The following NCOA2 variants were observed in gnomAD, a reference collection of about 807,000 sequenced individuals.
NCOA2 encodes class E basic helix-loop-helix protein 75.
Under a neutral mutation model 145.1 loss-of-function variants are expected in NCOA2, and 21 were observed. That is an observed-to-expected ratio of 0.14 (90% CI 0.10 to 0.21). NCOA2 has a LOEUF of 0.21. NCOA2 is among the 10% of genes least tolerant of loss of function. The pLI, the probability that NCOA2 is intolerant of heterozygous loss-of-function variation, is 1.00. For missense variants in NCOA2, 1,472 were observed against 1,837.6 expected, an observed-to-expected ratio of 0.80 and a Z score of 3.64; for synonymous variants, 619 against 637.5, an observed-to-expected ratio of 0.97 and a Z score of 0.44.
At chr8:70,320,564 G>T (rs1805961355) in intron 1 of NCOA2, among the ~76,000 whole-genome samples, 1 of 152,076 alleles carries the variant, frequency 6.6e-6, no homozygotes, top group East Asian at 1.9e-4. Flanking sequence ...TGAATAAAAA[G>T]CATAGGCTAT....
In NCOA2 at chr8:70,356,268, G is replaced by A. The variant is rs777461698; in HGVS notation, c.-77+47432C>T. ...GTCCAGGAGTTCAAGACCAGCCTGG[G>A]CAACATAGTAAGACCCAATGTCTGT... On this transcript the variant is annotated intron_variant, in intron 1 of 22. Coordinates refer to ENST00000452400, the MANE Select transcript of NCOA2 (RefSeq NM_006540.4). Among the ~76,000 whole-genome samples the A allele has an allele frequency of 1.5e-4, 23 of 152,100 alleles. 1 individual carries two copies. Among genetic ancestry groups the A allele is most frequent in the African/African-American group, 2.7e-4 (11 of 41,410 alleles).
At chr8:70,166,920 A>G (rs1317622450) in intron 6 of NCOA2, among the ~76,000 whole-genome samples, 166 bp from the exon 7 acceptor site, 1 of 152,062 alleles carries the variant, frequency 6.6e-6, no homozygotes, top group East Asian at 1.9e-4. Flanking sequence ...AATCTTTACC[A>G]TTTTTACAAC....
In NCOA2 at chr8:70,184,171, A is replaced by G. The variant is rs192713819; in HGVS notation, c.260-9312T>C. 1.2e-4 allele frequency among the ~76,000 whole-genome samples: 18 copies of G among 152,330 alleles called. No individual in the cohort carries two copies. The East Asian group carries it at 3.1e-3, about 26-fold the overall frequency. On this transcript the variant is annotated intron_variant, in intron 4 of 22. Transcript: ENST00000452400. ...AATAATAGCTCAGGTGGTCAGGCCA[A>G]TGAGAAGAGGATTTGGAAGAAAAGT...
chr8:70,149,885 T>A (rs1243913848), intron 11 of NCOA2, among the ~76,000 whole-genome samples: 1 of 152,198 alleles, frequency 6.6e-6, no homozygotes, highest in African/African-American at 2.4e-5. Flanking sequence ...CACTGGCAAA[T>A]CAAATGAAAT....
chr8:70,424,493 C>T, the NCOA2 span: 1 of 525,980 alleles, frequency 1.9e-6, no homozygotes, highest in South Asian at 1.4e-5. Context: ...GCAGTGATGG[C>T]AAAGGCTATT....
chr8:70,211,066 C>A (rs1260218469), intron 4 of NCOA2, among the ~76,000 whole-genome samples: 1 of 152,162 alleles, frequency 6.6e-6, no homozygotes, highest in Non-Finnish European at 1.5e-5. Context: ...TTCTTACTGG[C>A]TGTCAGATGC....
At chr8:70,250,615 G>A (rs1563680809) in intron 2 of NCOA2, among the ~76,000 whole-genome samples, 2 of 152,018 alleles carry the variant, frequency 1.3e-5, no homozygotes, top group Non-Finnish European at 2.9e-5. Context: ...TGGGTATGAA[G>A]GGTACATGGA....
At chr8:70,369,957 A>C (rs1257955860) in intron 1 of NCOA2, among the ~76,000 whole-genome samples, 2 of 151,868 alleles carry the variant, frequency 1.3e-5, no homozygotes, top group Non-Finnish European at 2.9e-5. Context: ...GCTGGAGTGC[A>C]GTGGTGCAGC....
chr8:70,389,962 G>A (rs113664841), intron 1 of NCOA2, among the ~76,000 whole-genome samples: 4,867 of 152,074 alleles, frequency 0.032, 248 homozygotes, highest in African/African-American at 0.11. Flanking sequence ...CACCATATCC[G>A]GCCATTTCAG....
chr8:70,380,456 T>C (rs956020154), intron 1 of NCOA2, among the ~76,000 whole-genome samples: 4 of 152,138 alleles, frequency 2.6e-5, no homozygotes, highest in Non-Finnish European at 5.9e-5. Flanking sequence ...AAGACTCATG[T>C]TCCCAAGAAT....
chr8:70,371,059 G>T (rs1377567349), intron 1 of NCOA2, among the ~76,000 whole-genome samples: 1 of 152,030 alleles, frequency 6.6e-6, no homozygotes, highest in African/African-American at 2.4e-5. Context: ...AGGCCGAGTC[G>T]GGCGGATCAC....
chr8:70,327,630 CACT>C (rs1412196945), intron 1 of NCOA2, among the ~76,000 whole-genome samples: 1 of 152,156 alleles, frequency 6.6e-6, no homozygotes, highest in African/African-American at 2.4e-5. Flanking sequence ...TGACCATCAT[CACT>C]ACTAATCAAA....
At chr8:70,144,931 T>C in intron 12 of NCOA2, 83 bp from the exon 13 acceptor site, 2 of 1,282,918 alleles carry the variant, frequency 1.6e-6, no homozygotes, top group African/African-American at 1.5e-5. Flanking sequence ...GGACAATGTC[T>C]GTAAAATGAC....
chr8:70,215,044 C>T (rs2133909727), intron 3 of NCOA2, among the ~76,000 whole-genome samples: 1 of 152,168 alleles, frequency 6.6e-6, no homozygotes, highest in African/African-American at 2.4e-5. Flanking sequence ...AATACAATGT[C>T]TCTATTTTAT....
chr8:70,363,113 G>A (rs1402855902), intron 1 of NCOA2, among the ~76,000 whole-genome samples: 1 of 149,766 alleles, frequency 6.7e-6, no homozygotes, highest in Non-Finnish European at 1.5e-5. Flanking sequence ...GCCTGGCACG[G>A]TGGCTCACAC....
At chr8:70,270,795 A>G (rs780615000) in intron 2 of NCOA2, among the ~76,000 whole-genome samples, 1 of 152,228 alleles carries the variant, frequency 6.6e-6, no homozygotes, top group South Asian at 2.1e-4. Flanking sequence ...GTACACAAGG[A>G]AAACGATTTT....
At chr8:70,351,751 A>ATTT (rs1266426866) in intron 1 of NCOA2, among the ~76,000 whole-genome samples, 2 of 129,904 alleles carry the variant, frequency 1.5e-5, no homozygotes, top group African/African-American at 2.8e-5. Context: ...ACCCCGGCTA[A>ATTT]TTTTTTTTTT....
Position 70,153,361 on chromosome 8 carries a change from C to T in NCOA2, c.2394+2610G>A, listed in dbSNP as rs1811953365. 1.3e-5 allele frequency among the ~76,000 whole-genome samples: 2 copies of T among 152,196 alleles called. 1 individual carries two copies. Among genetic ancestry groups the T allele is most frequent in the Admixed American group, 1.3e-4 (2 of 15,288 alleles). ...GGTGAGACAATTTTTATCAGAAAAA[C>T]ATTTCTCCTAAATAAATAACCTGAA... On this transcript the variant is annotated intron_variant, in intron 11 of 22. Transcript: ENST00000452400.
chr8:70,156,833 C>T lies in NCOA2; in HGVS notation c.1532G>A (p.Gly511Glu). The change falls in exon 11 of 23, where the codon GGA (glycine) becomes GAA (glutamate). Residue 511 changes from glycine to glutamate, a missense_variant. Physicochemically the swap from Gly to Glu is moderately conservative, Grantham distance 98. Coordinates refer to ENST00000452400, the MANE Select transcript of NCOA2 (RefSeq NM_006540.4). ...RIPPSQFSPA[G>E]SLHSPVGVCS... ...AACTCCCACAGGGGAATGCAAGCTT[C>T]CTGCAGGGGAAAACTGACTGGGTGG... 1.2e-6 allele frequency: 2 copies of T among 1,614,000 alleles called. No individual in the cohort carries two copies. Among genetic ancestry groups the T allele is most frequent in the South Asian group, 2.2e-5 (2 of 91,088 alleles).
Sources: allele counts gnomAD v4.1 joint callset (sites outside exome capture counted in the v4.1 genomes callset), GRCh38; gene constraint gnomAD v4.1.1; transcripts MANE v1.5; gene names NCBI Gene and HGNC (gene_info 2026-07-23, HGNC 2026-07-21).